ASAP1: variants seen among roughly 807,000 people sequenced by gnomAD.
The protein encoded by ASAP1 is ArfGAP with SH3 domain, ankyrin repeat and PH domain 1.
Under a neutral mutation model 145.2 loss-of-function variants are expected in ASAP1, and 43 were observed. That is an observed-to-expected ratio of 0.30 (90% CI 0.23 to 0.38). The LOEUF (loss-of-function observed/expected upper bound fraction) is 0.38. Among genes scored for constraint, ASAP1 ranks in the 10% least tolerant of loss-of-function variants. The pLI is 1.00. For synonymous variants in ASAP1, 546 were observed against 515.5 expected (o/e 1.06, Z -0.80); for missense variants, 1,018 against 1,355.3 (o/e 0.75, Z 3.91).
At chr8:130,337,096 T>TTG (rs1157727015) in intron 3 of ASAP1, among the ~76,000 whole-genome samples, 1 of 152,154 alleles carries the variant, frequency 6.6e-6, no homozygotes, top group Admixed American at 6.5e-5. Context: ...ACATCAGAGT[T>TTG]TGTATGAGGA....
chr8:130,120,133 G>A (rs2097563349), intron 18 of ASAP1, among the ~76,000 whole-genome samples: 1 of 152,184 alleles, frequency 6.6e-6, no homozygotes, highest in South Asian at 2.1e-4. Context: ...ATTCTACTAA[G>A]TAACCAAAAT....
At chr8:130,292,505 G>A (rs563408761) in intron 3 of ASAP1, among the ~76,000 whole-genome samples, 8 of 152,322 alleles carry the variant, frequency 5.3e-5, no homozygotes, top group Middle Eastern at 3.4e-3. Flanking sequence ...CCAAGGGTAG[G>A]AGGAGGGAAA....
At chr8:130,170,370 G>A (rs931883619) in intron 9 of ASAP1, among the ~76,000 whole-genome samples, 2 of 152,038 alleles carry the variant, frequency 1.3e-5, no homozygotes, top group African/African-American at 4.8e-5. Flanking sequence ...GATCAGGCTC[G>A]TCTTGAACTC....
intron 1 of ASAP1, among the ~76,000 whole-genome samples, chr8:130,406,092 T>C (rs1030055558): frequency 6.6e-6 from 1 of 152,118 alleles, no homozygotes; most frequent in East Asian, 1.9e-4. Context: ...TGTTGGTTTT[T>C]TGTTGTTGTT....
rs201911089 is a variant in ASAP1, at chr8:130,399,865, GGAGTA to G, written c.59+2015_59+2019del. Among the ~76,000 whole-genome samples the G allele has an allele frequency of 1.0e-4, 12 of 115,904 alleles. No homozygotes were observed. The East Asian group carries it at 2.4e-3, about 23-fold the overall frequency. The allele number at this position is 115,904 out of a possible 152,430, so 76.0% of individuals were successfully genotyped here. ...GAGTTTCGCTCTTGTTGCCCAGGCT[GGAGTA>G]GTACAATGGCGCAATCTCGGCTCAC... On this transcript the variant is annotated intron_variant, in intron 2 of 29. Coordinates refer to ENST00000518721, the MANE Select transcript of ASAP1 (RefSeq NM_018482.4).
chr8:130,114,212 C>A (rs765788795), intron 23 of ASAP1, among the ~76,000 whole-genome samples: 1 of 152,088 alleles, frequency 6.6e-6, no homozygotes, highest in Non-Finnish European at 1.5e-5. Flanking sequence ...CGTTCTTGTG[C>A]GAACATCATA....
At chr8:130,078,545 C>T (rs974814229) in intron 26 of ASAP1, among the ~76,000 whole-genome samples, 1 of 152,124 alleles carries the variant, frequency 6.6e-6, no homozygotes, top group East Asian at 1.9e-4. Context: ...CTTGGCCTCC[C>T]AAAGTGCTGG....
chr8:130,362,773 T>C (rs1221827973), intron 2 of ASAP1, among the ~76,000 whole-genome samples: 1 of 152,158 alleles, frequency 6.6e-6, no homozygotes, highest in African/African-American at 2.4e-5. Flanking sequence ...GGCTTGGATT[T>C]TGGAGGTAAA....
intron 3 of ASAP1, among the ~76,000 whole-genome samples, chr8:130,256,747 A>ATATATATATATATATATATATCCT (rs1819552964): frequency 1.2e-4 from 4 of 33,608 alleles, no homozygotes; most frequent in Non-Finnish European, 2.4e-4. Flanking sequence ...TCTTATATAT[A>ATATATATATATATATATATATCCT]TATATATATA....
intron 3 of ASAP1, among the ~76,000 whole-genome samples, chr8:130,329,267 C>T (rs1824531686): frequency 6.6e-6 from 1 of 152,212 alleles, no homozygotes; most frequent in Non-Finnish European, 1.5e-5. Context: ...CTCTGTTGCT[C>T]CTCTCAAAAC....
intron 2 of ASAP1, 121 bp downstream of exon 2, chr8:130,401,764 C>A: frequency 4.7e-6 from 4 of 858,080 alleles, no homozygotes; most frequent in Non-Finnish European, 5.5e-6. Context: ...ATCGTGCACA[C>A]AGTCTCTGTT....
rs544141986 is a variant in ASAP1 at position 130,228,183 on chromosome 8, C to T, written c.259+8739G>A. On this transcript the variant is annotated intron_variant, in intron 4 of 29. Coordinates refer to ENST00000518721, the MANE Select transcript of ASAP1 (RefSeq NM_018482.4). The stretch of plus-strand genomic sequence containing the variant: ...GGACTTGTTAAGAAATACTCAGTTA[C>T]TTCCTGTCAGAGTAGAGATCACATC... 5.9e-5 allele frequency among the ~76,000 whole-genome samples: 9 copies of T among 152,276 alleles called. No individual in the cohort carries two copies. The South Asian group carries it at 1.9e-3, about 32-fold the overall frequency.
At chr8:130,403,924 C>T (rs1218196460) in intron 1 of ASAP1, among the ~76,000 whole-genome samples, 1 of 152,160 alleles carries the variant, frequency 6.6e-6, no homozygotes, top group African/African-American at 2.4e-5. Context: ...CCATGTTGTT[C>T]TCTCTGTCTG....
At chr8:130,363,683 C>T (rs1401768421) in intron 2 of ASAP1, among the ~76,000 whole-genome samples, 1 of 152,138 alleles carries the variant, frequency 6.6e-6, no homozygotes, top group Non-Finnish European at 1.5e-5. Flanking sequence ...AACTGAGACA[C>T]AATAAAATCT....
chr8:130,220,400 G>A (rs1417949817), intron 4 of ASAP1, among the ~76,000 whole-genome samples: 31 of 152,134 alleles, frequency 2.0e-4, no homozygotes, highest in Admixed American at 2.0e-3. Flanking sequence ...CATGAGATAA[G>A]TACTATTACC....
rs1053389952 is a variant in ASAP1 at position 130,214,655 on chromosome 8, A to C, written c.306T>G (p.Phe102Leu). ...TGTCTCGACTTAAAAAATTACTCCC[A>C]AACTTATCAAGAACTTGTGCATAGT... is the stretch of plus-strand genomic sequence containing the variant. The part of the protein sequence containing the change: ...EENYAQVLDK[F>L]GSNFLSRDNP... The change falls in exon 5 of 30, where the codon TTT (phenylalanine) becomes TTG (leucine). Residue 102 changes from phenylalanine to leucine, a missense_variant. Phe to Leu is a conservative substitution (Grantham distance 22). Transcript: ENST00000518721. 3 of 1,609,634 alleles carry C rather than the reference A, an allele frequency of 1.9e-6. No individual in the cohort carries two copies. The highest frequency in any genetic ancestry group is 2.5e-6 in the Non-Finnish European group (3 of 1,177,952).
At chr8:130,386,199 G>A (rs1378140623) in intron 2 of ASAP1, among the ~76,000 whole-genome samples, 1 of 152,182 alleles carries the variant, frequency 6.6e-6, no homozygotes, top group Non-Finnish European at 1.5e-5. Context: ...AAGGGGGCGA[G>A]AGATTCAGTG....
intron 4 of ASAP1, among the ~76,000 whole-genome samples, chr8:130,229,746 A>C (rs1478783903): frequency 1.3e-5 from 2 of 152,192 alleles, no homozygotes; most frequent in Admixed American, 1.3e-4. Flanking sequence ...GGCTTTAAAA[A>C]ACCCCAAAAT....
At chr8:130,260,132 C>G (rs1030476219) in intron 3 of ASAP1, among the ~76,000 whole-genome samples, 1 of 152,112 alleles carries the variant, frequency 6.6e-6, no homozygotes, top group Non-Finnish European at 1.5e-5. Flanking sequence ...TAGTTATTCC[C>G]AATGTTTCTT....
Sources: gnomAD v4.1 joint callset for allele counts (sites outside exome capture counted in the v4.1 genomes callset) on GRCh38, gnomAD v4.1.1 for gene constraint, MANE v1.5 for transcripts, NCBI Gene and HGNC (gene_info 2026-07-23, HGNC 2026-07-21) for gene names.